SYTL4: variants seen among roughly 807,000 people sequenced by gnomAD.
SYTL4 encodes synaptotagmin-like protein 4.
A neutral mutation model predicts 52.7 loss-of-function variants in SYTL4; 16 were observed. The observed-to-expected ratio is 0.30, with a 90% CI of 0.21 to 0.46. SYTL4 has a LOEUF of 0.46. SYTL4 is among the 20% of genes least tolerant of loss of function. The pLI is 1.00. For synonymous variants in SYTL4, 160 were observed against 186.6 expected (o/e 0.86, Z 1.16); for missense variants, 423 against 519.9 (o/e 0.81, Z 1.81).
intron 8 of SYTL4, among the ~76,000 whole-genome samples, chrX:100,693,729 G>A (rs1359246414): frequency 8.9e-6 from 1 of 112,348 alleles, no homozygotes; most frequent in South Asian, 3.7e-4. Flanking sequence ...ACACAAAAAT[G>A]TTACATGAAT....
chrX:100,693,064 G>A (rs12008218), intron 8 of SYTL4, among the ~76,000 whole-genome samples: 14,302 of 111,098 alleles, frequency 0.13, 2,197 homozygotes, highest in African/African-American at 0.44. Flanking sequence ...TGAGTAGCTG[G>A]GATTACAGGT....
Position 100,676,033 on chromosome X carries a change from A to C in SYTL4, c.2011T>G (p.Leu671Val). The C allele has an allele frequency of 8.3e-7, 1 of 1,208,702 alleles. No homozygotes were observed. The highest frequency in any genetic ancestry group is 1.8e-5 in the South Asian group (1 of 56,212). The change falls in exon 20 of 20, where the codon TTA becomes GTA. Residue 671 changes from leucine (L) to valine (V), a missense_variant. Physicochemically the swap from Leu to Val is conservative, Grantham distance 32. Coordinates refer to ENST00000372989, the MANE Select transcript of SYTL4 (RefSeq NM_001370165.1). ...RSSMAKQKLG[L>V] ...CTGCAGAAGAGGACAGGGACTCATA[A>C]ACCCAGCTTCTGCTTGGCCATTGAG... is the stretch of plus-strand genomic sequence containing the variant.
At chrX:100,722,662 C>CTAAATAAATAAATAAATAAA (rs57321237) in intron 2 of SYTL4, among the ~76,000 whole-genome samples, 9 of 109,830 alleles carry the variant, frequency 8.2e-5, no homozygotes, top group African/African-American at 2.3e-4. Context: ...CAAGTCCTTC[C>CTAAATAAATAAATAAATAAA]TAAATAAATA....
At chrX:100,683,626 G>GA (rs1225071633) in intron 16 of SYTL4, among the ~76,000 whole-genome samples, 3 of 111,240 alleles carry the variant, frequency 2.7e-5, no homozygotes, top group African/African-American at 9.8e-5. Flanking sequence ...GATTGCTAGG[G>GA]AAAAAACAAA....
chrX:100,685,764 T>C, intron 16 of SYTL4: 1 of 340,526 alleles, frequency 2.9e-6, no homozygotes, highest in Non-Finnish European at 5.0e-6. Flanking sequence ...ATATGAAAAT[T>C]TTTTCAAAGC....
At chrX:100,700,400 T>C (rs1466735568) in intron 8 of SYTL4, among the ~76,000 whole-genome samples, 3 of 112,111 alleles carry the variant, frequency 2.7e-5, no homozygotes, top group Non-Finnish European at 5.6e-5. Flanking sequence ...TTTATTTCAG[T>C]GTTTTATTCT....
chrX:100,716,562 AAAAAG>A (rs1569414090), intron 2 of SYTL4, among the ~76,000 whole-genome samples: 1 of 106,426 alleles, frequency 9.4e-6, no homozygotes, highest in African/African-American at 3.4e-5. Context: ...AAAAAAAAAA[AAAAAG>A]AAAAAAACTC....
At position 100,686,789 on chromosome X, in the gene SYTL4, C is replaced by A. The variant is rs1469342840; in HGVS notation, c.1185-8G>T. The A allele has an allele frequency of 8.4e-7, 1 of 1,186,498 alleles. No homozygotes were observed. Among genetic ancestry groups the A allele is most frequent in the Admixed American group, 2.2e-5 (1 of 45,913 alleles). On this transcript the variant is annotated splice_polypyrimidine_tract_variant and splice_region_variant and intron_variant, in intron 14 of 19. Transcript: ENST00000372989. Reference sequence around the variant, plus strand: ...AGGTAAGTCTTCACATATCTAGAAACCAAAGACAGCACTGAGTAATTTGCT... The same window carrying A: ...AGGTAAGTCTTCACATATCTAGAAAACAAAGACAGCACTGAGTAATTTGCT...
intron 2 of SYTL4, among the ~76,000 whole-genome samples, chrX:100,723,452 C>G (rs372942843): frequency 9.0e-6 from 1 of 111,692 alleles, no homozygotes; most frequent in Admixed American, 9.4e-5. Flanking sequence ...AGTGCAGTAG[C>G]GTGATCTCGG....
At chrX:100,704,151 G>T (rs1408836429) in intron 3 of SYTL4, among the ~76,000 whole-genome samples, 2 of 111,300 alleles carry the variant, frequency 1.8e-5, no homozygotes, top group Non-Finnish European at 3.8e-5. Context: ...TTCATTTTTA[G>T]AGACAGAGTT....
At chrX:100,725,910 A>G (rs1480732363) in intron 2 of SYTL4, among the ~76,000 whole-genome samples, 3 of 111,661 alleles carry the variant, frequency 2.7e-5, no homozygotes, top group Non-Finnish European at 5.6e-5. Context: ...CTGATGCCTG[A>G]ATCGATAGAG....
intron 2 of SYTL4, among the ~76,000 whole-genome samples, chrX:100,718,927 A>T (rs1041741487): frequency 3.7e-5 from 4 of 108,722 alleles, no homozygotes; most frequent in Non-Finnish European, 3.8e-5. Flanking sequence ...GCCTCCCAGT[A>T]GCTGGGATTA....
At chrX:100,717,251 TCC>T (rs2084245152) in intron 2 of SYTL4, among the ~76,000 whole-genome samples, 1 of 80,566 alleles carries the variant, frequency 1.2e-5, no homozygotes, top group Admixed American at 1.3e-4. Flanking sequence ...ACTTAAATAA[TCC>T]TAAAAAAAAA....
intron 2 of SYTL4, among the ~76,000 whole-genome samples, chrX:100,727,948 C>T (rs6620925): frequency 0.33 from 36,668 of 110,388 alleles, 5,349 homozygotes; most frequent in East Asian, 0.51. Flanking sequence ...GATAGGCAAG[C>T]AGAGATGTCA....
At chrX:100,684,365 G>A (rs759354768) in intron 16 of SYTL4, among the ~76,000 whole-genome samples, 10 of 111,495 alleles carry the variant, frequency 9.0e-5, no homozygotes, top group African/African-American at 3.3e-4. Flanking sequence ...CCACCAACAG[G>A]AACTTCTCTG....
intron 8 of SYTL4, among the ~76,000 whole-genome samples, chrX:100,698,259 C>A (rs1016783130): frequency 7.3e-5 from 8 of 110,065 alleles, no homozygotes; most frequent in Non-Finnish European, 1.1e-4. Flanking sequence ...CCTGCCACCA[C>A]GCCCGGCTAA....
Position 100,675,153 on chromosome X carries a change from G to A in SYTL4, c.*875C>T, listed in dbSNP as rs906927248. The A allele has an allele frequency of 6.2e-5, 7 of 112,293 alleles. No homozygotes were observed. The highest frequency in any genetic ancestry group is 1.9e-4 in the African/African-American group (6 of 30,781). The allele number at this position is 112,293 out of a possible 1,213,427, so 9.3% of individuals were successfully genotyped here. On this transcript the variant is annotated 3_prime_UTR_variant, in exon 20 of 20. Transcript: ENST00000372989. ...GATGAATATATCTCATCTTTCATTC[G>A]AGAAATGAGGAGCTCTCTCTCCAAT...
intron 2 of SYTL4, among the ~76,000 whole-genome samples, chrX:100,711,030 T>C (rs931428794): frequency 8.9e-6 from 1 of 112,067 alleles, no homozygotes; most frequent in Admixed American, 9.5e-5. Context: ...AGTGCCTGTT[T>C]CCGCCAGCCA....
chrX:100,695,510 A>G (rs1293737556), intron 8 of SYTL4, among the ~76,000 whole-genome samples: 1 of 111,400 alleles, frequency 9.0e-6, no homozygotes, highest in East Asian at 2.8e-4. Flanking sequence ...TCTTATCCTT[A>G]ATCCACAAAG....
Sources: allele counts gnomAD v4.1 joint callset (sites outside exome capture counted in the v4.1 genomes callset), GRCh38; gene constraint gnomAD v4.1.1; transcripts MANE v1.5; gene names NCBI Gene and HGNC (gene_info 2026-07-23, HGNC 2026-07-21).